ZBTB20: variants seen among roughly 807,000 people sequenced by gnomAD.
ZBTB20 encodes the protein zinc finger and BTB domain containing 20, also known as zinc finger and BTB domain-containing protein 20.
Under a neutral mutation model 56.9 loss-of-function variants are expected in ZBTB20, and 9 were observed. The observed-to-expected ratio is 0.16, with a 90% confidence interval of 0.10 to 0.28. The LOEUF (loss-of-function observed/expected upper bound fraction) is 0.28. Ranked by LOEUF, ZBTB20 falls within the 10% of genes least tolerant of loss-of-function variation. The pLI, the probability that ZBTB20 is intolerant of heterozygous loss-of-function variation, is 1.00. For synonymous variants in ZBTB20, 417 were observed against 420.7 expected, an observed-to-expected ratio of 0.99 and a Z score of 0.11; for missense variants, 655 against 1,003.0, an observed-to-expected ratio of 0.65 and a Z score of 4.69.
intron 10 of ZBTB20, among the ~76,000 whole-genome samples, chr3:114,358,522 G>C (rs1269980861): frequency 6.6e-6 from 1 of 152,178 alleles, no homozygotes; most frequent in Admixed American, 6.5e-5. Flanking sequence ...TTCCAGAAAA[G>C]TCTTTTTACT....
chr3:115,035,316 A>G (rs1222336737), intron 2 of ZBTB20, among the ~76,000 whole-genome samples: 1 of 152,116 alleles, frequency 6.6e-6, no homozygotes, highest in East Asian at 1.9e-4. Flanking sequence ...CAAGTCTCAT[A>G]TTGGATAAGG....
chr3:114,714,179 C>A (rs2064293170), intron 5 of ZBTB20, among the ~76,000 whole-genome samples: 2 of 152,190 alleles, frequency 1.3e-5, no homozygotes, highest in Admixed American at 6.5e-5. Flanking sequence ...AGTGATTAAT[C>A]AAAATCTGAA....
intron 1 of ZBTB20, among the ~76,000 whole-genome samples, chr3:115,102,292 GA>G (rs1460334064): frequency 2.6e-5 from 4 of 152,208 alleles, no homozygotes; most frequent in African/African-American, 9.6e-5. Flanking sequence ...TGTCTGTAGA[GA>G]AACTTTTCCA....
At chr3:114,815,144 G>A (rs1040622959) in intron 4 of ZBTB20, among the ~76,000 whole-genome samples, 11 of 152,130 alleles carry the variant, frequency 7.2e-5, no homozygotes, top group African/African-American at 2.4e-4. Flanking sequence ...AACAAGTTCG[G>A]AGACATGGAT....
At chr3:114,704,789 A>C (rs562338268) in intron 5 of ZBTB20, among the ~76,000 whole-genome samples, 18 of 152,284 alleles carry the variant, frequency 1.2e-4, no homozygotes, top group African/African-American at 3.4e-4. Context: ...GCAGAGCTGG[A>C]AGTTTTACCC....
At chr3:114,682,351 T>C (rs1332435334) in intron 6 of ZBTB20, among the ~76,000 whole-genome samples, 1 of 152,154 alleles carries the variant, frequency 6.6e-6, no homozygotes, top group Non-Finnish European at 1.5e-5. Context: ...CGCACAGAAT[T>C]CTACAATGCC....
intron 3 of ZBTB20, among the ~76,000 whole-genome samples, chr3:114,928,261 C>T (rs1319687076): frequency 3.9e-5 from 6 of 152,230 alleles, no homozygotes; most frequent in African/African-American, 1.4e-4. Flanking sequence ...TCATTTCAGG[C>T]TTAGCCGTTT....
chr3:114,472,990 A>T (rs1398800415), intron 7 of ZBTB20, among the ~76,000 whole-genome samples: 1 of 152,220 alleles, frequency 6.6e-6, no homozygotes, highest in Non-Finnish European at 1.5e-5. Context: ...CTGAGTCTGC[A>T]CAGAAGGACT....
At chr3:114,421,356 T>C (rs1284031610) in intron 7 of ZBTB20, among the ~76,000 whole-genome samples, 2 of 152,160 alleles carry the variant, frequency 1.3e-5, no homozygotes, top group African/African-American at 4.8e-5. Context: ...TTGATACATT[T>C]ACAATACTCC....
At chr3:114,507,534 T>G (rs148204531) in intron 6 of ZBTB20, among the ~76,000 whole-genome samples, 1 of 152,246 alleles carries the variant, frequency 6.6e-6, no homozygotes, top group East Asian at 1.9e-4. Context: ...CATTAAACCG[T>G]CCAGTGCAGA....
intron 4 of ZBTB20, among the ~76,000 whole-genome samples, chr3:114,849,932 C>T (rs1005972955): frequency 8.3e-6 from 1 of 119,836 alleles, no homozygotes; most frequent in Non-Finnish European, 1.6e-5. Context: ...TGGAGTCTTG[C>T]TCTGCTGCCC....
At chr3:114,573,521 C>CAG (rs1210267849) in intron 6 of ZBTB20, among the ~76,000 whole-genome samples, 3 of 92,774 alleles carry the variant, frequency 3.2e-5, no homozygotes, top group Non-Finnish European at 4.6e-5. Flanking sequence ...AAGAAAGAAA[C>CAG]AGAGAGAGAG....
chr3:114,936,840 T>A (rs2076550880), intron 3 of ZBTB20, among the ~76,000 whole-genome samples: 1 of 152,152 alleles, frequency 6.6e-6, no homozygotes, highest in Admixed American at 6.5e-5. Context: ...GGTCCTCTTG[T>A]GCCAAGGTGA....
intron 6 of ZBTB20, among the ~76,000 whole-genome samples, chr3:114,672,276 C>G (rs552742134): frequency 4.6e-5 from 7 of 152,180 alleles, no homozygotes; most frequent in Non-Finnish European, 1.0e-4. Context: ...CCATAAAGGG[C>G]CCACTCACGT....
At chr3:114,736,322 A>T (rs1428233667) in intron 5 of ZBTB20, among the ~76,000 whole-genome samples, 2 of 152,196 alleles carry the variant, frequency 1.3e-5, no homozygotes, top group Non-Finnish European at 2.9e-5. Context: ...AACTGTAATT[A>T]AAAAATATCT....
intron 10 of ZBTB20, among the ~76,000 whole-genome samples, chr3:114,368,641 T>A (rs138553132): frequency 7.4e-4 from 113 of 152,326 alleles, no homozygotes; most frequent in South Asian, 1.9e-3. Flanking sequence ...CAGGAAAGAA[T>A]ATGAACCTCT....
chr3:115,063,684 A>G (rs202112682), intron 2 of ZBTB20, among the ~76,000 whole-genome samples: 2 of 126,490 alleles, frequency 1.6e-5, no homozygotes, highest in Non-Finnish European at 3.5e-5. Flanking sequence ...CACACACACA[A>G]ACACACACAC....
intron 5 of ZBTB20, among the ~76,000 whole-genome samples, chr3:114,788,894 G>A (rs1296205706): frequency 6.6e-6 from 1 of 152,140 alleles, no homozygotes; most frequent in Non-Finnish European, 1.5e-5. Context: ...GCGAGAGAGT[G>A]TGTGTGTAGG....
At chr3:114,514,223 T>A (rs2045727207) in intron 6 of ZBTB20, among the ~76,000 whole-genome samples, 2 of 151,970 alleles carry the variant, frequency 1.3e-5, no homozygotes. Context: ...TTATTTAGAG[T>A]TGTTTATTGA....
Sources: gnomAD v4.1 joint callset for allele counts (sites outside exome capture counted in the v4.1 genomes callset) on GRCh38, gnomAD v4.1.1 for gene constraint, MANE v1.5 for transcripts, NCBI Gene and HGNC (gene_info 2026-07-23, HGNC 2026-07-21) for gene names.